The following ENPP3 variants were observed in gnomAD, a reference collection of about 807,000 sequenced individuals.
ENPP3 encodes the protein ectonucleotide pyrophosphatase/phosphodiesterase family member 3.
ENPP3 carries 104 observed loss-of-function variants against 117.8 expected under a neutral mutation model. That is an observed-to-expected ratio of 0.88 (90% confidence interval 0.75 to 1.04). ENPP3 has a LOEUF of 1.04. ENPP3 is among the 50% of genes least tolerant of loss of function. The pLI, the probability that ENPP3 is intolerant of heterozygous loss-of-function variation, is 0.00. For synonymous variants in ENPP3, 380 were observed against 349.9 expected (o/e 1.09, Z -0.96); for missense variants, 1,026 against 1,051.9 (o/e 0.98, Z 0.34).
chr6:131,691,131 TC>T (rs971196426), intron 14 of ENPP3, among the ~76,000 whole-genome samples: 1 of 152,066 alleles, frequency 6.6e-6, no homozygotes, highest in Non-Finnish European at 1.5e-5. Flanking sequence ...AGTCCATCCT[TC>T]CCAAGGAAAT....
At chr6:131,737,290 C>A in intron 21 of ENPP3, 65 bp from the exon 22 acceptor site, 3 of 885,104 alleles carry the variant, frequency 3.4e-6, no homozygotes, top group African/African-American at 1.7e-5. Context: ...TAGTAGTATG[C>A]CTGTTGTGCA....
chr6:131,657,700 G>C (rs971749770), intron 5 of ENPP3, among the ~76,000 whole-genome samples: 28 of 152,196 alleles, frequency 1.8e-4, no homozygotes, highest in Admixed American at 2.0e-4. Context: ...TGGAAATCAA[G>C]ATACTGATCA....
chr6:131,744,235 T>C (rs1021129965), intron 24 of ENPP3, among the ~76,000 whole-genome samples: 7 of 152,372 alleles, frequency 4.6e-5, no homozygotes, highest in Middle Eastern at 3.4e-3. Flanking sequence ...TCCCTCCTTT[T>C]TCCTTTTCCC....
At chr6:131,712,296 C>A (rs1779805846) in intron 15 of ENPP3, among the ~76,000 whole-genome samples, 1 of 146,924 alleles carries the variant, frequency 6.8e-6, no homozygotes, top group African/African-American at 2.7e-5. Flanking sequence ...TGATATAGAA[C>A]TACTCAAGAA....
chr6:131,685,458 C>T lies in ENPP3; in HGVS notation c.1215C>T (p.Arg405=). 6.2e-7 allele frequency: 1 copy of T among 1,613,984 alleles called. No homozygotes were observed. The highest frequency in any genetic ancestry group is 8.5e-7 in the Non-Finnish European group (1 of 1,179,892). ...FFYMYEGPAP[R]IRAHNIPHDF... Reference sequence around the variant, plus strand: ...ACATGTACGAAGGGCCTGCCCCCCGCATCCGAGCTCATAATATACCTCATG... The same window carrying T: ...ACATGTACGAAGGGCCTGCCCCCCGTATCCGAGCTCATAATATACCTCATG... Residue 405 remains arginine (R), a synonymous_variant, in exon 13 of 25, where the codon CGC becomes CGT. Coordinates refer to ENST00000357639, the MANE Select transcript of ENPP3 (RefSeq NM_005021.5).
chr6:131,653,992 C>T (rs1404029558), intron 5 of ENPP3, among the ~76,000 whole-genome samples: 2 of 152,124 alleles, frequency 1.3e-5, no homozygotes, highest in Non-Finnish European at 2.9e-5. Flanking sequence ...CCATCCACCC[C>T]TCTGCCCTTC....
intron 20 of ENPP3, among the ~76,000 whole-genome samples, chr6:131,730,642 G>A (rs774602387): frequency 3.5e-4 from 54 of 152,164 alleles, no homozygotes; most frequent in Non-Finnish European, 6.0e-4. Flanking sequence ...CAGGTCAAGC[G>A]CAGTGGCTCA....
chr6:131,655,230 C>T (rs1778360980), intron 5 of ENPP3, among the ~76,000 whole-genome samples: 1 of 152,172 alleles, frequency 6.6e-6, no homozygotes, highest in Non-Finnish European at 1.5e-5. Context: ...ACAGTCAATT[C>T]ATCTCTGAAA....
chr6:131,738,810 T>A (rs1780459524), intron 23 of ENPP3, among the ~76,000 whole-genome samples: 1 of 152,128 alleles, frequency 6.6e-6, no homozygotes, highest in South Asian at 2.1e-4. Flanking sequence ...TAAACAATTG[T>A]ACTGTCTAAG....
chr6:131,677,787 C>T, intron 10 of ENPP3, 81 bp from the exon 11 acceptor site: 1 of 916,570 alleles, frequency 1.1e-6, no homozygotes, highest in Non-Finnish European at 1.8e-6. Flanking sequence ...CTAGCAAGCC[C>T]AAGATCTACA....
At chr6:131,716,702 C>T (rs1266248718) in intron 15 of ENPP3, among the ~76,000 whole-genome samples, 1 of 150,706 alleles carries the variant, frequency 6.6e-6, no homozygotes, top group Non-Finnish European at 1.5e-5. Context: ...GGTGTGGTGG[C>T]TCATGCCTGT....
intron 15 of ENPP3, among the ~76,000 whole-genome samples, chr6:131,716,675 T>TA (rs200794845): frequency 4.4e-4 from 1 of 2,292 alleles, no homozygotes; most frequent in African/African-American, 5.4e-4. Context: ...TATTTATAAT[T>TA]AAAAAAATAG....
At chr6:131,702,511 C>T (rs1278557594) in intron 15 of ENPP3, among the ~76,000 whole-genome samples, 14 of 152,132 alleles carry the variant, frequency 9.2e-5, no homozygotes, top group African/African-American at 2.9e-4. Context: ...TATCTAAACA[C>T]GAAAACAGGA....
chr6:131,673,268 T>C lies in ENPP3; in HGVS notation c.643-894T>C, dbSNP rs1585647142. Among the ~76,000 whole-genome samples the C allele has an allele frequency of 2.0e-5, 3 of 152,172 alleles. No individual in the cohort carries two copies. The East Asian group carries it at 5.8e-4, about 29-fold the overall frequency. On this transcript the variant is annotated intron_variant, in intron 7 of 24. Transcript: ENST00000357639. The stretch of plus-strand genomic sequence containing the variant: ...ATCCGTGGATTCAACTAACTGTGGA[T>C]TGAAAATATTTGGGTGGAATCAACC...
At chr6:131,717,056 G>A (rs1779907053) in intron 15 of ENPP3, among the ~76,000 whole-genome samples, 1 of 152,034 alleles carries the variant, frequency 6.6e-6, no homozygotes, top group Admixed American at 6.6e-5. Context: ...GAAATGAAGT[G>A]ACATCCTTAG....
At position 131,641,477 on chromosome 6, in the gene ENPP3, T is replaced by A. The variant is rs961724611; in HGVS notation, c.101T>A (p.Ile34Asn). The A allele has an allele frequency of 3.7e-6, 6 of 1,612,016 alleles. No homozygotes were observed. The highest frequency in any genetic ancestry group is 3.4e-6 in the Non-Finnish European group (4 of 1,178,528). The change falls in exon 2 of 25, where the codon ATC becomes AAC. Residue 34 changes from isoleucine to asparagine, a missense_variant. Transcript: ENST00000357639. ...TAGGTTCTTCTTGCTTTGCTGGTGA[T>A]CATGTCACTTGGATTAGGCCTGGGG... ...ACIVLLALLV[I>N]MSLGLGLGLG...
In ENPP3 at chr6:131,741,866, T is replaced by A. The variant is rs530463486; in HGVS notation, c.2457+1486T>A. 1.8e-3 allele frequency among the ~76,000 whole-genome samples: 279 copies of A among 152,300 alleles called. 2 individuals carry two copies. Among genetic ancestry groups the A allele is most frequent in the African/African-American group, 6.5e-3 (272 of 41,566 alleles). On this transcript the variant is annotated intron_variant, in intron 24 of 24. Transcript: ENST00000357639. Reference sequence around the variant, plus strand: ...GGGATCTAGGCCAGATTGGGATTCATCTATATTCTTTCAGGTGTTCAATGC... The same window carrying A: ...GGGATCTAGGCCAGATTGGGATTCAACTATATTCTTTCAGGTGTTCAATGC...
intron 2 of ENPP3, among the ~76,000 whole-genome samples, chr6:131,644,928 G>A (rs1013715332): frequency 6.6e-6 from 1 of 152,160 alleles, no homozygotes; most frequent in Non-Finnish European, 1.5e-5. Context: ...TATAAGGGGA[G>A]AGTGTATGAA....
intron 15 of ENPP3, among the ~76,000 whole-genome samples, chr6:131,717,352 GTGT>G (rs1370223934): frequency 8.6e-3 from 117 of 13,528 alleles, no homozygotes; most frequent in South Asian, 0.022. Context: ...CCTGCGGGGG[GTGT>G]GTGTGTGTGT....
Sources: allele counts gnomAD v4.1 joint callset (sites outside exome capture counted in the v4.1 genomes callset), GRCh38; gene constraint gnomAD v4.1.1; transcripts MANE v1.5; gene names NCBI Gene and HGNC (gene_info 2026-07-23, HGNC 2026-07-21).